Variants in LRRC4C observed in about 807,000 individuals in gnomAD.
LRRC4C encodes leucine rich repeat containing 4C, also known as leucine-rich repeat-containing protein 4C.
A neutral mutation model predicts 33.6 loss-of-function variants in LRRC4C; 5 were observed. The observed-to-expected ratio is 0.15, with a 90% confidence interval of 0.08 to 0.31. The LOEUF (loss-of-function observed/expected upper bound fraction) is 0.31, where lower values mean the gene tolerates loss of function less well. Ranked by LOEUF, LRRC4C falls within the 10% of genes least tolerant of loss-of-function variation. LRRC4C has a pLI of 1.00. For missense variants in LRRC4C, 560 were observed against 796.7 expected (o/e 0.70, Z 3.58); for synonymous variants, 329 against 302.0 (o/e 1.09, Z -0.93).
At chr11:40,953,120 T>C (rs1471734644) in intron 1 of LRRC4C, among the ~76,000 whole-genome samples, 1 of 151,986 alleles carries the variant, frequency 6.6e-6, no homozygotes, top group Non-Finnish European at 1.5e-5. Context: ...TAATGATTTT[T>C]GTTTCACATT....
At chr11:40,963,659 T>TGG (rs371836027) in intron 1 of LRRC4C, among the ~76,000 whole-genome samples, 1 of 151,718 alleles carries the variant, frequency 6.6e-6, no homozygotes, top group African/African-American at 2.4e-5. Context: ...GCATTGAACT[T>TGG]TAGTTTAAAA....
chr11:40,598,921 C>T (rs1203195130), intron 3 of LRRC4C, among the ~76,000 whole-genome samples: 1 of 152,122 alleles, frequency 6.6e-6, no homozygotes, highest in Non-Finnish European at 1.5e-5. Flanking sequence ...TGTGTCTGCT[C>T]CAGGACTTAG....
intron 3 of LRRC4C, among the ~76,000 whole-genome samples, chr11:40,537,346 C>T (rs1207340074): frequency 1.3e-5 from 2 of 152,124 alleles, no homozygotes; most frequent in South Asian, 2.1e-4. Flanking sequence ...TTATCCCCAC[C>T]GTAAAGAAAC....
chr11:40,179,158 C>T (rs1313260666), intron 5 of LRRC4C, among the ~76,000 whole-genome samples: 2 of 151,874 alleles, frequency 1.3e-5, no homozygotes, highest in African/African-American at 4.8e-5. Context: ...GTGTGTGCCA[C>T]CATGATTGGA....
At chr11:41,104,521 G>A (rs1176668200) in intron 1 of LRRC4C, among the ~76,000 whole-genome samples, 1 of 151,930 alleles carries the variant, frequency 6.6e-6, no homozygotes, top group African/African-American at 2.4e-5. Context: ...GTGGGAAAAT[G>A]AGATCGTACA....
At chr11:41,219,190 T>C (rs761909116) in intron 1 of LRRC4C, among the ~76,000 whole-genome samples, 4 of 152,192 alleles carry the variant, frequency 2.6e-5, no homozygotes, top group African/African-American at 4.8e-5. Context: ...ATTCGTTCAT[T>C]ATTCTTTTCT....
intron 2 of LRRC4C, among the ~76,000 whole-genome samples, chr11:40,754,473 C>T (rs1434028901): frequency 2.0e-5 from 3 of 152,046 alleles, no homozygotes; most frequent in Non-Finnish European, 4.4e-5. Context: ...GCTCACAGTT[C>T]TCCAGCGTAG....
intron 1 of LRRC4C, among the ~76,000 whole-genome samples, chr11:41,175,762 T>C (rs1454090676): frequency 6.6e-6 from 1 of 152,032 alleles, no homozygotes; most frequent in Non-Finnish European, 1.5e-5. Flanking sequence ...GTCCCAGAGC[T>C]CCCTCTGCAG....
chr11:40,241,439 C>G (rs1481907522), intron 5 of LRRC4C, 80 bp downstream of exon 5: 2 of 151,994 alleles, frequency 1.3e-5, no homozygotes, highest in Non-Finnish European at 2.9e-5. Context: ...AACAAAAAAA[C>G]CTTTAAAAGA....
chr11:40,351,219 C>T (rs1035505111), intron 3 of LRRC4C, among the ~76,000 whole-genome samples: 15 of 151,574 alleles, frequency 9.9e-5, no homozygotes, highest in Admixed American at 9.2e-4. Context: ...CAATGTTTCT[C>T]TTGTTATGAT....
intron 1 of LRRC4C, among the ~76,000 whole-genome samples, chr11:41,259,091 C>A (rs549524120): frequency 3.9e-5 from 6 of 151,964 alleles, no homozygotes; most frequent in Non-Finnish European, 7.4e-5. Flanking sequence ...ATATACTGAG[C>A]ACAACTTTAA....
intron 3 of LRRC4C, among the ~76,000 whole-genome samples, chr11:40,375,480 A>T (rs1948621626): frequency 6.6e-6 from 1 of 152,160 alleles, no homozygotes; most frequent in Non-Finnish European, 1.5e-5. Flanking sequence ...CTTAGTTTTT[A>T]AGTTGAGGAA....
chr11:40,130,188 G>A (rs939495562), intron 6 of LRRC4C, among the ~76,000 whole-genome samples: 4 of 152,024 alleles, frequency 2.6e-5, no homozygotes, highest in African/African-American at 9.7e-5. Flanking sequence ...TTAAAATCTC[G>A]AGCTCCATGT....
At chr11:41,035,204 C>CATAAATAA (rs559701849) in intron 1 of LRRC4C, among the ~76,000 whole-genome samples, 8 of 150,246 alleles carry the variant, frequency 5.3e-5, no homozygotes, top group African/African-American at 1.7e-4. Context: ...TAAATAAATA[C>CATAAATAA]ATAAATAAAT....
chr11:41,000,590 T>C (rs990126903), intron 1 of LRRC4C, among the ~76,000 whole-genome samples: 7 of 152,308 alleles, frequency 4.6e-5, no homozygotes, highest in Middle Eastern at 3.4e-3. Context: ...TTAGGTCTTA[T>C]GACAACACTG....
At chr11:40,251,479 C>T (rs1246095266) in intron 4 of LRRC4C, among the ~76,000 whole-genome samples, 5 of 152,086 alleles carry the variant, frequency 3.3e-5, no homozygotes, top group Admixed American at 6.6e-5. Context: ...CAGATATTTC[C>T]AAGCCTCCAC....
At chr11:41,289,917 C>T (rs1382872606) in intron 1 of LRRC4C, among the ~76,000 whole-genome samples, 1 of 152,148 alleles carries the variant, frequency 6.6e-6, no homozygotes, top group Non-Finnish European at 1.5e-5. Flanking sequence ...GGATACAATA[C>T]TGCCTTTACA....
chr11:40,136,399 T>C lies in LRRC4C; in HGVS notation c.-43+4402A>G, dbSNP rs189047137. On this transcript the variant is annotated intron_variant, in intron 6 of 6. Coordinates refer to ENST00000528697, the MANE Select transcript of LRRC4C (RefSeq NM_001258419.2). ...CTCCTGCCTCAGCCTCCCGAGTAGC[T>C]GGGACTACAGGCACCTGCCACCATG... 1.0e-2 allele frequency among the ~76,000 whole-genome samples: 1,515 copies of C among 151,530 alleles called. 12 individuals are homozygous for C. The highest frequency in any genetic ancestry group is 0.015 in the Non-Finnish European group (1,006 of 67,926).
chr11:41,232,961 T>C (rs370843912), intron 1 of LRRC4C, among the ~76,000 whole-genome samples: 3 of 152,186 alleles, frequency 2.0e-5, no homozygotes, highest in African/African-American at 4.8e-5. Context: ...TTTAGCAACT[T>C]TGCATTTAAC....
Sources: gnomAD v4.1 joint callset for allele counts (sites outside exome capture counted in the v4.1 genomes callset) on GRCh38, gnomAD v4.1.1 for gene constraint, MANE v1.5 for transcripts, NCBI Gene and HGNC (gene_info 2026-07-23, HGNC 2026-07-21) for gene names.